Variants in COL23A1 observed in about 807,000 individuals in gnomAD.
The protein encoded by COL23A1 is collagen alpha-1(XXIII) chain.
Under a neutral mutation model 99.3 loss-of-function variants are expected in COL23A1, and 97 were observed. That is an observed-to-expected ratio of 0.98 (90% confidence interval 0.83 to 1.16). COL23A1 has a LOEUF of 1.16. Among genes scored for constraint, COL23A1 ranks in the 50% most tolerant of loss-of-function variants. The pLI is 0.00. For missense variants in COL23A1, 762 were observed against 757.4 expected (o/e 1.01, Z -0.07); for synonymous variants, 320 against 308.2 (o/e 1.04, Z -0.40).
At chr5:178,298,356 G>A (rs917425844) in intron 3 of COL23A1, among the ~76,000 whole-genome samples, 10 of 152,178 alleles carry the variant, frequency 6.6e-5, no homozygotes, top group Non-Finnish European at 1.5e-4. Context: ...GAGAGTCCCC[G>A]ATGCCCACCT....
intron 2 of COL23A1, among the ~76,000 whole-genome samples, chr5:178,426,656 C>T (rs1765955517): frequency 6.6e-6 from 1 of 152,174 alleles, no homozygotes; most frequent in African/African-American, 2.4e-5. Flanking sequence ...TCCGAAGCAG[C>T]CATTTGAAGA....
intron 1 of COL23A1, among the ~76,000 whole-genome samples, chr5:178,577,115 C>T (rs991916410): frequency 6.6e-6 from 1 of 152,194 alleles, no homozygotes; most frequent in Non-Finnish European, 1.5e-5. Context: ...GGCCCCGGCG[C>T]TCCTCGCTCA....
At position 178,366,314 on chromosome 5, in the gene COL23A1, C is replaced by T. The variant is rs913267673; in HGVS notation, c.362-59395G>A. 6.6e-6 allele frequency among the ~76,000 whole-genome samples: 1 copy of T among 152,204 alleles called. No homozygotes were observed. Among genetic ancestry groups the T allele is most frequent in the Non-Finnish European group, 1.5e-5 (1 of 68,042 alleles). On this transcript the variant is annotated intron_variant, in intron 2 of 28. Transcript: ENST00000390654. This position sits in a 1 kb window ranked among gnomAD's most constrained non-coding sequence, Gnocchi z 4.4. ...GGTTCCCTCTGCACCCCACGATGGG[C>T]GCTGCGTCCTCCATCCTCTGGTGCA... is the stretch of plus-strand genomic sequence containing the variant.
rs535239509 is a variant in COL23A1, at chr5:178,295,130, G to T, written c.407-4761C>A. ...AACCTGGGAGGCAGAGGTTGCAGTG[G>T]GCCGAGATCACACCACTGCACCCCG... On this transcript the variant is annotated intron_variant, in intron 3 of 28. Coordinates refer to ENST00000390654, the MANE Select transcript of COL23A1 (RefSeq NM_173465.4). Among the ~76,000 whole-genome samples the T allele has an allele frequency of 5.9e-5, 9 of 151,934 alleles. No homozygotes were observed. In the South Asian group the frequency reaches 1.9e-3, roughly 32 times the overall value.
intron 2 of COL23A1, among the ~76,000 whole-genome samples, chr5:178,515,239 G>A (rs993196199): frequency 1.6e-4 from 24 of 152,314 alleles, no homozygotes; most frequent in African/African-American, 5.1e-4. Flanking sequence ...CTGCTCCTCT[G>A]CACTGCCCCA....
At chr5:178,432,513 A>C (rs960690196) in intron 2 of COL23A1, among the ~76,000 whole-genome samples, 8 of 152,136 alleles carry the variant, frequency 5.3e-5, no homozygotes, top group African/African-American at 1.9e-4. Flanking sequence ...GCAGGAAGTC[A>C]GAAGACCCAG....
chr5:178,449,300 G>A (rs1052567137), intron 2 of COL23A1, among the ~76,000 whole-genome samples: 4 of 152,142 alleles, frequency 2.6e-5, no homozygotes, highest in Admixed American at 6.5e-5. Context: ...CTTCCCCCAC[G>A]TCTGCCGCTG....
intron 18 of COL23A1, among the ~76,000 whole-genome samples, chr5:178,249,743 C>A (rs4349733): frequency 0.24 from 34,875 of 145,136 alleles, 4,024 homozygotes; most frequent in African/African-American, 0.29. Flanking sequence ...CTCTCTCTCT[C>A]TCTCTCTCGA....
Position 178,589,120 on chromosome 5 carries a change from GAC to G in COL23A1, c.294+782_294+783del, listed in dbSNP as rs1441011951. Reference sequence around the variant, plus strand: ...ACCCAAAGGTGGCTCTTTCTTTGAAGACACACAGCAGCAATCTTAACCCTTAG... The same window carrying G: ...ACCCAAAGGTGGCTCTTTCTTTGAAGACACAGCAGCAATCTTAACCCTTAG... On this transcript the variant is annotated intron_variant, in intron 1 of 28. Coordinates refer to ENST00000390654, the MANE Select transcript of COL23A1 (RefSeq NM_173465.4). The surrounding 1 kb of genome is among the most constrained non-coding windows in gnomAD (Gnocchi z 5.4). Among the ~76,000 whole-genome samples the G allele has an allele frequency of 6.6e-6, 1 of 152,158 alleles. No individual in the cohort carries two copies. Among genetic ancestry groups the G allele is most frequent in the Non-Finnish European group, 1.5e-5 (1 of 68,034 alleles).
chr5:178,348,219 A>C (rs1761100963), intron 2 of COL23A1, among the ~76,000 whole-genome samples: 1 of 151,610 alleles, frequency 6.6e-6, no homozygotes, highest in South Asian at 2.1e-4. Flanking sequence ...GGCTCTTCCC[A>C]GCAGCTCTGC....
chr5:178,412,034 G>A (rs1221967026), intron 2 of COL23A1, among the ~76,000 whole-genome samples: 2 of 152,160 alleles, frequency 1.3e-5, no homozygotes, highest in Non-Finnish European at 1.5e-5. Flanking sequence ...CATTGACAGA[G>A]TTTTTCCTTA....
At chr5:178,508,789 TAG>T (rs1013400713) in intron 2 of COL23A1, among the ~76,000 whole-genome samples, 1 of 152,230 alleles carries the variant, frequency 6.6e-6, no homozygotes, top group Non-Finnish European at 1.5e-5. Context: ...ATCCTTTGGC[TAG>T]AGAGCAGGCT....
chr5:178,268,876 A>T lies in COL23A1; in HGVS notation c.469-120T>A, dbSNP rs1305651069. 1.1e-5 allele frequency: 11 copies of T among 980,040 alleles called. No individual in the cohort carries two copies. The Admixed American group carries it at 2.8e-4, about 25-fold the overall frequency. 60.7% of individuals were successfully genotyped at this position (980,040 alleles called of 1,614,324 possible). On this transcript the variant is annotated intron_variant, in intron 6 of 28. Transcript: ENST00000390654. ...CGTGATGCTGGGCGGCTGAGTGGAA[A>T]ATTACACATGAGCTCTCAGCCCTCA... is the stretch of plus-strand genomic sequence containing the variant.
At chr5:178,557,476 C>T (rs1045761189) in intron 2 of COL23A1, among the ~76,000 whole-genome samples, 1 of 152,172 alleles carries the variant, frequency 6.6e-6, no homozygotes, top group Non-Finnish European at 1.5e-5. Context: ...GTCCTCCTGC[C>T]AGCGATATCC....
chr5:178,561,289 T>C (rs999452420), intron 1 of COL23A1, among the ~76,000 whole-genome samples: 8 of 152,248 alleles, frequency 5.3e-5, no homozygotes, highest in Non-Finnish European at 1.0e-4. Context: ...TTTTCTGTTT[T>C]CCATTTTCCT....
intron 2 of COL23A1, among the ~76,000 whole-genome samples, chr5:178,480,334 C>T (rs1311965651): frequency 7.9e-5 from 12 of 152,106 alleles, no homozygotes; most frequent in Admixed American, 3.3e-4. Context: ...CCTAATCCTG[C>T]TGCCCTGGAT....
intron 2 of COL23A1, among the ~76,000 whole-genome samples, chr5:178,457,674 G>A (rs911445519): frequency 4.6e-5 from 7 of 152,136 alleles, no homozygotes; most frequent in Admixed American, 2.0e-4. Flanking sequence ...CTTAAATTGC[G>A]TTTGGTAACA....
chr5:178,586,579 T>C (rs1414988819), intron 1 of COL23A1, among the ~76,000 whole-genome samples: 2 of 149,876 alleles, frequency 1.3e-5, no homozygotes, highest in African/African-American at 5.0e-5. Flanking sequence ...CATGCTACTA[T>C]TATTATAAAG....
At chr5:178,407,154 C>T (rs972693984) in intron 2 of COL23A1, among the ~76,000 whole-genome samples, 1 of 152,222 alleles carries the variant, frequency 6.6e-6, no homozygotes, top group Admixed American at 6.5e-5. Flanking sequence ...TAATGAGGCA[C>T]TCCTGCCCCA....
Sources: gnomAD v4.1 joint callset for allele counts (sites outside exome capture counted in the v4.1 genomes callset) on GRCh38, gnomAD v4.1.1 for gene constraint, Gnocchi (gnomAD v3.1) non-coding constraint, MANE v1.5 for transcripts, NCBI Gene and HGNC (gene_info 2026-07-23, HGNC 2026-07-21) for gene names.